Variants in CREB5 observed in about 807,000 individuals in gnomAD.
CREB5 encodes cAMP responsive element binding protein 5, also known as cyclic AMP-responsive element-binding protein 5.
CREB5 carries 19 observed loss-of-function variants against 57.1 expected under a neutral mutation model. The ratio of observed to expected loss-of-function variants is 0.33; its 90% CI spans 0.23 to 0.49. CREB5 has a LOEUF of 0.49. CREB5 is among the 20% of genes least tolerant of loss of function. The probability of loss-of-function intolerance (pLI) is 0.99; values close to 1 mark genes in which losing one functional copy is unlikely to be tolerated. For synonymous variants in CREB5, 238 were observed against 238.3 expected (o/e 1.00, Z 0.01); for missense variants, 579 against 671.6 (o/e 0.86, Z 1.52).
intron 1 of CREB5, among the ~76,000 whole-genome samples, chr7:28,463,050 T>C (rs528381578): frequency 6.6e-6 from 1 of 152,192 alleles, no homozygotes; most frequent in African/African-American, 2.4e-5. Flanking sequence ...TTCTAAGAGT[T>C]TTCAGTTTTA....
At chr7:28,630,128 G>T (rs1233775423) in intron 5 of CREB5, among the ~76,000 whole-genome samples, 1 of 152,158 alleles carries the variant, frequency 6.6e-6, no homozygotes, top group Non-Finnish European at 1.5e-5. Context: ...ATCGTTAGAG[G>T]GTACTACTTC....
At chr7:28,500,526 C>T (rs185593996) in intron 3 of CREB5, among the ~76,000 whole-genome samples, 188 of 152,336 alleles carry the variant, frequency 1.2e-3, no homozygotes, top group Non-Finnish European at 2.4e-3. Flanking sequence ...CAGAACCCAA[C>T]TGTGTCCCTG....
intron 1 of CREB5, among the ~76,000 whole-genome samples, chr7:28,398,008 T>C (rs1459776358): frequency 6.6e-6 from 1 of 152,204 alleles, no homozygotes; most frequent in Non-Finnish European, 1.5e-5. Context: ...ACTAAGTACA[T>C]TTATAATGTT....
intron 5 of CREB5, among the ~76,000 whole-genome samples, chr7:28,636,414 C>T (rs1030860572): frequency 6.6e-6 from 1 of 152,160 alleles, no homozygotes; most frequent in African/African-American, 2.4e-5. Context: ...TATCATCTTC[C>T]TCCTTCTCCA....
intron 4 of CREB5, among the ~76,000 whole-genome samples, chr7:28,537,617 G>T (rs1328156707): frequency 6.6e-6 from 1 of 152,112 alleles, no homozygotes; most frequent in Non-Finnish European, 1.5e-5. Context: ...CGTTCTGTGG[G>T]GAGTGAAAAG....
chr7:28,671,689 G>A (rs1234941247), intron 5 of CREB5, among the ~76,000 whole-genome samples: 2 of 152,180 alleles, frequency 1.3e-5, no homozygotes, highest in East Asian at 1.9e-4. Flanking sequence ...GCAACAAGGT[G>A]TGGTGGATTA....
chr7:28,558,599 G>C (rs1281869652), intron 4 of CREB5, among the ~76,000 whole-genome samples: 2 of 152,154 alleles, frequency 1.3e-5, no homozygotes, highest in East Asian at 3.9e-4. Flanking sequence ...AATGCTCCAG[G>C]CAAGGGAGTT....
intron 1 of CREB5, among the ~76,000 whole-genome samples, chr7:28,438,384 G>A (rs1437886720): frequency 6.6e-6 from 1 of 152,142 alleles, no homozygotes; most frequent in Non-Finnish European, 1.5e-5. Flanking sequence ...CGGGGCCACT[G>A]AGGATGGGCT....
At chr7:28,748,792 C>T (rs1804822838) in intron 7 of CREB5, among the ~76,000 whole-genome samples, 1 of 152,114 alleles carries the variant, frequency 6.6e-6, no homozygotes, top group South Asian at 2.1e-4. Flanking sequence ...GGTCTTGGCC[C>T]TCCAGACAGT....
intron 1 of CREB5, among the ~76,000 whole-genome samples, chr7:28,396,563 T>A (rs1451567432): frequency 2.6e-5 from 4 of 152,180 alleles, no homozygotes; most frequent in African/African-American, 4.8e-5. Context: ...GAAAGTAACA[T>A]ATTATTTGTA....
chr7:28,786,004 C>T (rs1367566461), intron 7 of CREB5, among the ~76,000 whole-genome samples: 1 of 152,144 alleles, frequency 6.6e-6, no homozygotes, highest in Non-Finnish European at 1.5e-5. Flanking sequence ...TACCCCCATG[C>T]AGCAGATCCA....
intron 3 of CREB5, among the ~76,000 whole-genome samples, chr7:28,495,720 A>G (rs1792012311): frequency 6.6e-6 from 1 of 152,200 alleles, no homozygotes; most frequent in African/African-American, 2.4e-5. Context: ...AGGATCATCT[A>G]TGACATACAT....
chr7:28,524,034 GAGTGAATGAATGAACATGTAAT>G (rs1378215060), intron 4 of CREB5, among the ~76,000 whole-genome samples: 5 of 152,232 alleles, frequency 3.3e-5, no homozygotes, highest in African/African-American at 1.2e-4. Context: ...TTACTGGAAT[GAGTGAATGAATGAACATGTAAT>G]AGTGAATGAA....
At chr7:28,331,594 T>C (rs141833101) in intron 1 of CREB5, among the ~76,000 whole-genome samples, 17 of 152,102 alleles carry the variant, frequency 1.1e-4, no homozygotes, top group African/African-American at 4.1e-4. Flanking sequence ...GCACATGCTT[T>C]TAGAAAGAAT....
intron 4 of CREB5, among the ~76,000 whole-genome samples, chr7:28,549,692 GAT>G (rs1488079967): frequency 2.6e-5 from 4 of 152,022 alleles, no homozygotes; most frequent in South Asian, 2.1e-4. Flanking sequence ...TATTTCACTG[GAT>G]GCCTGTTTTT....
chr7:28,408,154 A>G (rs1787628988), upstream of CREB5, among the ~76,000 whole-genome samples: 1 of 152,152 alleles, frequency 6.6e-6, no homozygotes, highest in Non-Finnish European at 1.5e-5. Flanking sequence ...CTTGCTCATC[A>G]AGTGATCTCA....
At chr7:28,808,664 G>C (rs965039297) in intron 8 of CREB5, among the ~76,000 whole-genome samples, 5 of 148,648 alleles carry the variant, frequency 3.4e-5, no homozygotes, top group Admixed American at 1.3e-4. Context: ...TCAGCCTCCT[G>C]AGTAGCTAGG....
At chr7:28,350,084 A>G (rs755111535) in intron 1 of CREB5, among the ~76,000 whole-genome samples, 4 of 152,256 alleles carry the variant, frequency 2.6e-5, no homozygotes, top group African/African-American at 7.2e-5. Context: ...GCATTCAGCC[A>G]TCATTGGTGG....
chr7:28,791,474 C>G (rs188138681), intron 7 of CREB5, among the ~76,000 whole-genome samples: 1 of 152,184 alleles, frequency 6.6e-6, no homozygotes, highest in Admixed American at 6.5e-5. Flanking sequence ...CAAAGAAAAG[C>G]AGGAGGTTCA....
Sources: allele counts gnomAD v4.1 joint callset (sites outside exome capture counted in the v4.1 genomes callset), GRCh38; gene constraint gnomAD v4.1.1; transcripts MANE v1.5; gene names NCBI Gene and HGNC (gene_info 2026-07-23, HGNC 2026-07-21).